Variants in CACNA2D2 observed in about 807,000 individuals in gnomAD.
CACNA2D2 encodes voltage-dependent calcium channel subunit alpha-2/delta-2.
A neutral mutation model predicts 166.4 loss-of-function variants in CACNA2D2; 48 were observed. The observed-to-expected ratio is 0.29, with a 90% CI of 0.23 to 0.37. The LOEUF is 0.37. Ranked by LOEUF, CACNA2D2 falls within the 10% of genes least tolerant of loss-of-function variation. CACNA2D2 has a pLI of 1.00. For synonymous variants in CACNA2D2, 561 were observed against 573.7 expected (o/e 0.98, Z 0.32); for missense variants, 1,122 against 1,433.0 (o/e 0.78, Z 3.50).
intron 2 of CACNA2D2, among the ~76,000 whole-genome samples, chr3:50,466,841 G>T (rs1709846252): frequency 6.6e-6 from 1 of 152,242 alleles, no homozygotes; most frequent in Admixed American, 6.5e-5. Context: ...GATTGGGCCT[G>T]CCAGAGATTC....
At position 50,380,714 on chromosome 3, in the gene CACNA2D2, G is replaced by A. The variant is rs953249047; in HGVS notation, c.842+34C>T. The A allele has an allele frequency of 4.8e-6, 7 of 1,464,732 alleles. No homozygotes were observed. The highest frequency in any genetic ancestry group is 6.4e-6 in the Non-Finnish European group (7 of 1,100,800). The allele number at this position is 1,464,732 out of a possible 1,614,324, so 90.7% of individuals were successfully genotyped here. ...GGCAGGAAAGGTGGGGAACTGAGGG[G>A]GTGTCCCTCCCCAGCCCCTTCTTGC... On this transcript the variant is annotated intron_variant, in intron 8 of 37. Coordinates refer to ENST00000424201, the MANE Select transcript of CACNA2D2 (RefSeq NM_006030.4). This position sits in a 1 kb window ranked among gnomAD's most constrained non-coding sequence, Gnocchi z 4.9.
chr3:50,474,883 GTCAT>G (rs1710244434), intron 2 of CACNA2D2, among the ~76,000 whole-genome samples: 1 of 152,178 alleles, frequency 6.6e-6, no homozygotes, highest in Admixed American at 6.5e-5. Context: ...GTGCGGCTGA[GTCAT>G]TCAGAGTTCA....
chr3:50,378,155 G>A lies in CACNA2D2; in HGVS notation c.1390-58C>T, dbSNP rs1705088271. 1.9e-6 allele frequency: 3 copies of A among 1,590,002 alleles called. No homozygotes were observed. The Admixed American group carries it at 5.0e-5, about 27-fold the overall frequency. ...GCCTTTCCCAGGCACTGCCTGTTCT[G>A]TCTCGCCAGGCATTGGGATTGTGCC... On this transcript the variant is annotated intron_variant, in intron 14 of 37. Transcript: ENST00000424201.
intron 1 of CACNA2D2, among the ~76,000 whole-genome samples, chr3:50,491,009 C>A (rs889271430): frequency 1.3e-5 from 2 of 152,186 alleles, no homozygotes; most frequent in African/African-American, 2.4e-5. Flanking sequence ...GGCAGCCCAT[C>A]CAACCTCTCC....
In CACNA2D2 at chr3:50,434,399, C is replaced by A. The variant is rs756356268; in HGVS notation, c.319G>T (p.Val107Leu). 6.2e-7 allele frequency: 1 copy of A among 1,614,062 alleles called. No homozygotes were observed. Among genetic ancestry groups the A allele is most frequent in the African/African-American group, 1.3e-5 (1 of 74,940 alleles). The stretch of plus-strand genomic sequence containing the variant: ...AACTTCTGAGGCTCATTCTCCTGTA[C>A]CTCGAACAGGTTCCGGTTGTCCTTG... Reference protein sequence around the residue: ...IYKDNRNLFEVQENEPQKLVE... With the variant: ...IYKDNRNLFELQENEPQKLVE... Residue 107 changes from valine to leucine, a missense_variant, in exon 3 of 38, where the codon GTA becomes TTA. Transcript: ENST00000424201.
intron 3 of CACNA2D2, among the ~76,000 whole-genome samples, chr3:50,404,648 T>C (rs1412330799): frequency 2.0e-5 from 3 of 152,062 alleles, no homozygotes; most frequent in Non-Finnish European, 1.5e-5. Context: ...TGGGAAGAGG[T>C]TGATATGACT....
At chr3:50,484,871 G>A (rs1024103334) in intron 1 of CACNA2D2, among the ~76,000 whole-genome samples, 3 of 152,252 alleles carry the variant, frequency 2.0e-5, no homozygotes, top group Non-Finnish European at 4.4e-5. Context: ...CAGCCCTCCT[G>A]TCCAGCTTGT....
Position 50,414,499 on chromosome 3 carries a change from G to C in CACNA2D2, c.405+19814C>G, listed in dbSNP as rs1324549542. On this transcript the variant is annotated intron_variant, in intron 3 of 37. Transcript: ENST00000424201. ...CTCCTCTAGGGTAAACCATGAAACAGAAACCAAGGGACAGGGCAGCCCCCC... is the reference window on the plus strand; with the variant it reads ...CTCCTCTAGGGTAAACCATGAAACACAAACCAAGGGACAGGGCAGCCCCCC... 2.0e-5 allele frequency among the ~76,000 whole-genome samples: 3 copies of C among 152,130 alleles called. No homozygotes were observed. In the East Asian group the frequency reaches 5.8e-4, roughly 29 times the overall value.
chr3:50,374,977 G>A (rs901417513), intron 21 of CACNA2D2, among the ~76,000 whole-genome samples, 164 bp from the exon 22 acceptor site: 1 of 152,076 alleles, frequency 6.6e-6, no homozygotes, highest in African/African-American at 2.4e-5. Context: ...ATGGTCTAGG[G>A]GCCGGCACCC....
chr3:50,410,466 G>C (rs1706947243), intron 3 of CACNA2D2, among the ~76,000 whole-genome samples: 2 of 146,694 alleles, frequency 1.4e-5, no homozygotes, highest in South Asian at 4.2e-4. Context: ...CACAGAGCTG[G>C]GTGCTCCCTG....
intron 22 of CACNA2D2, chr3:50,373,057 A>G (rs1370956432): frequency 1.3e-6 from 2 of 1,534,838 alleles, no homozygotes; most frequent in South Asian, 2.4e-5. Context: ...GGTTCTGAAT[A>G]TACTTGCCCT....
At chr3:50,474,530 C>G (rs1251566947) in intron 2 of CACNA2D2, among the ~76,000 whole-genome samples, 2 of 152,178 alleles carry the variant, frequency 1.3e-5, no homozygotes, top group Non-Finnish European at 2.9e-5. Context: ...GACGTATGAA[C>G]ACTATTTTCT....
intron 13 of CACNA2D2, 68 bp from the exon 14 acceptor site, chr3:50,378,401 C>T (rs1705106196): frequency 1.4e-6 from 2 of 1,476,782 alleles, no homozygotes; most frequent in Admixed American, 3.9e-5. Flanking sequence ...GAGGGCCCTG[C>T]CCCTGGGGTG....
At chr3:50,381,212 C>G in intron 6 of CACNA2D2, 86 bp from the exon 7 acceptor site, 7 of 1,478,510 alleles carry the variant, frequency 4.7e-6, no homozygotes, top group Non-Finnish European at 6.6e-6. Context: ...CCTGTGCCCC[C>G]ATTTAGAATC....
At chr3:50,482,723 C>G (rs566200951) in intron 1 of CACNA2D2, among the ~76,000 whole-genome samples, 3 of 152,378 alleles carry the variant, frequency 2.0e-5, no homozygotes, top group African/African-American at 7.2e-5. Flanking sequence ...TGCAGCCCCT[C>G]TCTGCACTGC....
chr3:50,416,341 T>C (rs1707262167), intron 3 of CACNA2D2: 2 of 152,362 alleles, frequency 1.3e-5, no homozygotes, highest in South Asian at 2.1e-4. Context: ...GAGGGTGAGA[T>C]AGAGCTAGGA....
chr3:50,501,516 T>A (rs1698963036), intron 1 of CACNA2D2, among the ~76,000 whole-genome samples: 1 of 152,164 alleles, frequency 6.6e-6, no homozygotes, highest in South Asian at 2.1e-4. Context: ...CGCCATCTTC[T>A]GGCTGGGGAC....
Position 50,379,274 on chromosome 3 carries a change from G to T in CACNA2D2, c.1153-75C>A. ...GGGGCAGGGCCTCCCTCCCGCAGTGGGCCTGGACCTCTGGCCCTCCTCCCC... is the reference window on the plus strand; with the variant it reads ...GGGGCAGGGCCTCCCTCCCGCAGTGTGCCTGGACCTCTGGCCCTCCTCCCC... On this transcript the variant is annotated intron_variant, in intron 11 of 37. Coordinates refer to ENST00000424201, the MANE Select transcript of CACNA2D2 (RefSeq NM_006030.4). The surrounding 1 kb of genome is among the most constrained non-coding windows in gnomAD (Gnocchi z 6.5). 6.8e-7 allele frequency: 1 copy of T among 1,469,696 alleles called. No individual in the cohort carries two copies. The highest frequency in any genetic ancestry group is 9.5e-7 in the Non-Finnish European group (1 of 1,053,516). The allele number at this position is 1,469,696 out of a possible 1,614,324, so 91.0% of individuals were successfully genotyped here.
chr3:50,478,134 G>A (rs935661270), intron 1 of CACNA2D2, among the ~76,000 whole-genome samples: 6 of 152,148 alleles, frequency 3.9e-5, no homozygotes, highest in East Asian at 1.9e-4. Flanking sequence ...TCCCTCCTCC[G>A]CTCCCCACCA....
Sources: allele counts gnomAD v4.1 joint callset (sites outside exome capture counted in the v4.1 genomes callset), GRCh38; gene constraint gnomAD v4.1.1; non-coding constraint Gnocchi (gnomAD v3.1); transcripts MANE v1.5; gene names NCBI Gene and HGNC (gene_info 2026-07-23, HGNC 2026-07-21).